GPHN: variants seen among roughly 807,000 people sequenced by gnomAD.
GPHN encodes the protein gephyrin.
Under a neutral mutation model 95.5 loss-of-function variants are expected in GPHN, and 17 were observed. The ratio of observed to expected loss-of-function variants is 0.18; its 90% confidence interval spans 0.12 to 0.27. GPHN has a LOEUF of 0.27. Among genes scored for constraint, GPHN ranks in the 10% least tolerant of loss-of-function variants. The pLI is 1.00. For missense variants in GPHN, 660 were observed against 978.1 expected (o/e 0.67, Z 4.34); for synonymous variants, 320 against 322.5 (o/e 0.99, Z 0.08).
At chr14:66,850,897 T>C (rs1198349201) in intron 4 of GPHN, among the ~76,000 whole-genome samples, 1 of 152,022 alleles carries the variant, frequency 6.6e-6, no homozygotes, top group Non-Finnish European at 1.5e-5. Context: ...TAAATGATAA[T>C]GAGATTTTAA....
At chr14:67,325,785 T>C in the GPHN span, among the ~76,000 whole-genome samples, 1 of 151,672 alleles carries the variant, frequency 6.6e-6, no homozygotes, top group African/African-American at 2.4e-5. Flanking sequence ...CATAGACCAT[T>C]CCAAAACATG....
chr14:66,791,458 G>T (rs996027492), intron 3 of GPHN, among the ~76,000 whole-genome samples: 1 of 152,234 alleles, frequency 6.6e-6, no homozygotes, highest in African/African-American at 2.4e-5. Flanking sequence ...CTGCTGGTTG[G>T]CCACTTTTAT....
At chr14:67,336,133 C>T in the GPHN span, 1 of 152,290 alleles carries the variant, frequency 6.6e-6, no homozygotes, top group East Asian at 1.9e-4. Flanking sequence ...TATGTGCAGC[C>T]TGGGATCTGA....
the GPHN span, chr14:67,360,354 C>A: frequency 2.5e-6 from 1 of 397,100 alleles, no homozygotes; most frequent in Non-Finnish European, 4.4e-6. Context: ...GCGAAGCGCA[C>A]GCTGAGGAGG....
intron 16 of GPHN, among the ~76,000 whole-genome samples, chr14:67,117,548 C>T (rs2078761445): frequency 6.6e-6 from 1 of 152,100 alleles, no homozygotes; most frequent in Admixed American, 6.6e-5. Context: ...GGTTGAACCC[C>T]TGGCAGCTAA....
the GPHN span, among the ~76,000 whole-genome samples, chr14:67,718,071 A>G: frequency 1.3e-5 from 2 of 152,198 alleles, no homozygotes; most frequent in African/African-American, 4.8e-5. Flanking sequence ...AGTCATTATT[A>G]TTGGTTAAAA....
the GPHN span, among the ~76,000 whole-genome samples, chr14:67,607,459 C>G: frequency 2.0e-5 from 3 of 152,066 alleles, no homozygotes; most frequent in African/African-American, 7.2e-5. Flanking sequence ...CTCTGCCTCC[C>G]AGGTTCAAGA....
At chr14:67,410,688 T>C in the GPHN span, among the ~76,000 whole-genome samples, 3 of 152,238 alleles carry the variant, frequency 2.0e-5, no homozygotes, top group Admixed American at 2.0e-4. Flanking sequence ...ACTTTAGGGC[T>C]GATCCAGCCA....
chr14:67,149,412 C>G (rs571385681), intron 18 of GPHN, among the ~76,000 whole-genome samples: 2 of 152,050 alleles, frequency 1.3e-5, no homozygotes, highest in African/African-American at 4.8e-5. Flanking sequence ...TTCAAATGAA[C>G]CAAATGTTTT....
intron 16 of GPHN, among the ~76,000 whole-genome samples, chr14:67,115,241 T>TAA (rs140697873): frequency 4.2e-5 from 6 of 144,270 alleles, no homozygotes; most frequent in African/African-American, 7.7e-5. Flanking sequence ...AAATTGGTGA[T>TAA]AAAAAAAAAA....
chr14:67,441,768 A>G, the GPHN span: 1 of 151,598 alleles, frequency 6.6e-6, no homozygotes, highest in Non-Finnish European at 1.5e-5. Flanking sequence ...TCTCTACCTG[A>G]CTGTCCTTTG....
At chr14:67,146,362 AC>A (rs2153707283) in intron 18 of GPHN, among the ~76,000 whole-genome samples, 1 of 152,308 alleles carries the variant, frequency 6.6e-6, no homozygotes, top group South Asian at 2.1e-4. Flanking sequence ...TTTTTACAAA[AC>A]ACTGAAAGCT....
chr14:67,614,311 A>G, the GPHN span, among the ~76,000 whole-genome samples: 1 of 152,296 alleles, frequency 6.6e-6, no homozygotes, highest in Admixed American at 6.5e-5. Context: ...GAAAGGTATC[A>G]CACTTTTCTG....
the GPHN span, among the ~76,000 whole-genome samples, chr14:67,712,493 C>CAAAAAAAAAAAAAAAAAAAAAAAAAAA: frequency 5.1e-5 from 2 of 38,930 alleles, no homozygotes; most frequent in Non-Finnish European, 7.5e-5. Flanking sequence ...AAAAAACTTG[C>CAAAAAAAAAAAAAAAAAAAAAAAAAAA]AAAAAAAAAA....
At chr14:67,045,025 T>A (rs950867334) in intron 10 of GPHN, among the ~76,000 whole-genome samples, 2 of 152,180 alleles carry the variant, frequency 1.3e-5, no homozygotes, top group Non-Finnish European at 2.9e-5. Flanking sequence ...TGGACTTGGA[T>A]GCCTAATAGG....
chr14:67,302,918 T>G, the GPHN span, among the ~76,000 whole-genome samples: 1 of 152,226 alleles, frequency 6.6e-6, no homozygotes, highest in South Asian at 2.1e-4. Flanking sequence ...TTTTTTGTGT[T>G]CTTTTATTTT....
chr14:66,764,451 TA>T (rs1364912449), intron 2 of GPHN, among the ~76,000 whole-genome samples: 5 of 152,102 alleles, frequency 3.3e-5, no homozygotes, highest in Non-Finnish European at 7.4e-5. Flanking sequence ...TTTTTTTTTT[TA>T]ATCATTTTAC....
At chr14:67,366,207 A>G in the GPHN span, among the ~76,000 whole-genome samples, 2 of 151,916 alleles carry the variant, frequency 1.3e-5, no homozygotes, top group African/African-American at 4.8e-5. Flanking sequence ...AGTCCTCCCA[A>G]GTAGCTGGAA....
At chr14:66,676,129 C>T (rs1325410217) in intron 1 of GPHN, among the ~76,000 whole-genome samples, 2 of 151,816 alleles carry the variant, frequency 1.3e-5, no homozygotes, top group Non-Finnish European at 1.5e-5. Context: ...GAATATTGTA[C>T]CCAATAGGTA....
Sources: allele counts gnomAD v4.1 joint callset (sites outside exome capture counted in the v4.1 genomes callset), GRCh38; gene constraint gnomAD v4.1.1; transcripts MANE v1.5; gene names NCBI Gene and HGNC (gene_info 2026-07-23, HGNC 2026-07-21).